The following ITGAE variants were observed in gnomAD, a reference collection of about 807,000 sequenced individuals.
ITGAE encodes the protein integrin subunit alpha E.
ITGAE carries 99 observed loss-of-function variants against 136.5 expected under a neutral mutation model. The ratio of observed to expected loss-of-function variants is 0.73; its 90% confidence interval spans 0.62 to 0.86. ITGAE has a LOEUF of 0.86. Among genes scored for constraint, ITGAE ranks in the 40% least tolerant of loss-of-function variants. The probability of loss-of-function intolerance (pLI) is 0.00; values close to 1 mark genes in which losing one functional copy is unlikely to be tolerated. For missense variants in ITGAE, 1,447 were observed against 1,515.3 expected, an observed-to-expected ratio of 0.95 and a Z score of 0.75; for synonymous variants, 613 against 591.8, an observed-to-expected ratio of 1.04 and a Z score of -0.52.
Position 3,785,695 on chromosome 17 carries a change from A to G in ITGAE, c.35-8035T>C, listed in dbSNP as rs969350852. On this transcript the variant is annotated intron_variant, in intron 1 of 30. Coordinates refer to ENST00000263087, the MANE Select transcript of ITGAE (RefSeq NM_002208.5). ...GGAATAAAGATATGAACACGTATCAATGAAACAGCAAACCAACTTACAGTA... is the reference window on the plus strand; with the variant it reads ...GGAATAAAGATATGAACACGTATCAGTGAAACAGCAAACCAACTTACAGTA... Among the ~76,000 whole-genome samples, 5 of 152,200 alleles carry G rather than the reference A, an allele frequency of 3.3e-5. No individual in the cohort carries two copies. In the South Asian group the frequency reaches 6.2e-4, roughly 19 times the overall value.
intron 30 of ITGAE, among the ~76,000 whole-genome samples, chr17:3,715,883 G>A (rs1405502930): frequency 1.3e-5 from 2 of 152,062 alleles, no homozygotes; most frequent in Non-Finnish European, 2.9e-5. Context: ...GAGGCTGGGA[G>A]TGGTGGTTCA....
chr17:3,743,479 G>A lies in ITGAE; in HGVS notation c.2448+10C>T, dbSNP rs2051633747. 2 of 1,586,482 alleles carry A rather than the reference G, an allele frequency of 1.3e-6. No homozygotes were observed. Among genetic ancestry groups the A allele is most frequent in the East Asian group, 2.3e-5 (1 of 43,896 alleles). On this transcript the variant is annotated intron_variant, in intron 19 of 30. Coordinates refer to ENST00000263087, the MANE Select transcript of ITGAE (RefSeq NM_002208.5). ...TAAGAGGGCTGGGTACTGGCTGTGG[G>A]TAGAGTCACCTGGAAGATGGCAAAG...
chr17:3,718,019 G>C (rs1444161715), intron 29 of ITGAE: 1 of 152,252 alleles, frequency 6.6e-6, no homozygotes, highest in East Asian at 1.9e-4. Context: ...TAAACCCACA[G>C]ATTCCCAAAA....
Position 3,758,998 on chromosome 17 carries a change from G to A in ITGAE, c.866+404C>T, listed in dbSNP as rs191565629. On this transcript the variant is annotated intron_variant, in intron 8 of 30. Coordinates refer to ENST00000263087, the MANE Select transcript of ITGAE (RefSeq NM_002208.5). ...AAATTAACTGGGCGTGGTGGTGGCC[G>A]CCTGTAGTCCCAGCTACTCGGGAGG... Among the ~76,000 whole-genome samples the A allele has an allele frequency of 4.5e-3, 689 of 151,978 alleles. 4 individuals carry two copies. The highest frequency in any genetic ancestry group is 0.015 in the African/African-American group (637 of 41,466).
chr17:3,719,285 TTAAAAA>T (rs1202409166), intron 29 of ITGAE, among the ~76,000 whole-genome samples: 2 of 143,730 alleles, frequency 1.4e-5, no homozygotes, highest in Admixed American at 6.7e-5. Context: ...AATACACTAC[TTAAAAA>T]TAAAAGGAAA....
At chr17:3,724,052 C>T (rs770278574) in intron 26 of ITGAE, 6 of 1,597,216 alleles carry the variant, frequency 3.8e-6, no homozygotes, top group Admixed American at 1.7e-5. Context: ...CGCCGCAGGA[C>T]CGGAGGCGTT....
chr17:3,735,137 G>A (rs1006496138), intron 20 of ITGAE, among the ~76,000 whole-genome samples, 188 bp from the exon 21 acceptor site: 6 of 152,122 alleles, frequency 3.9e-5, no homozygotes, highest in African/African-American at 1.2e-4. Context: ...GGGACTACAG[G>A]TGTTTACCAC....
At chr17:3,762,209 G>C (rs1425274720) in intron 3 of ITGAE, among the ~76,000 whole-genome samples, 1 of 152,182 alleles carries the variant, frequency 6.6e-6, no homozygotes, top group East Asian at 1.9e-4. Flanking sequence ...CTTTCAACAC[G>C]TGCCCATTGA....
At chr17:3,781,338 ATTTCTTTTTTCTTTC>A (rs909897779) in intron 1 of ITGAE, among the ~76,000 whole-genome samples, 33 of 141,056 alleles carry the variant, frequency 2.3e-4, no homozygotes, top group South Asian at 2.2e-4. Context: ...TTCTTCTTTC[ATTTCTTTTTTCTTTC>A]TTTCTTTTTT....
intron 20 of ITGAE, among the ~76,000 whole-genome samples, chr17:3,738,265 A>C (rs1239094772): frequency 7.0e-6 from 1 of 143,726 alleles, no homozygotes; most frequent in Non-Finnish European, 1.5e-5. Context: ...CCGCCTCCCG[A>C]GTTTGAGCGA....
chr17:3,723,386 G>T lies in ITGAE; in HGVS notation c.3142-3C>A. On this transcript the variant is annotated splice_polypyrimidine_tract_variant and splice_region_variant and intron_variant, in intron 27 of 30. Coordinates refer to ENST00000263087, the MANE Select transcript of ITGAE (RefSeq NM_002208.5). Reference sequence around the variant, plus strand: ...ACTGAATGCCATTCTTCCACATGCTGGAAAAGCGAGGTCTAGTGAACACAA... The same window carrying T: ...ACTGAATGCCATTCTTCCACATGCTTGAAAAGCGAGGTCTAGTGAACACAA... 6.2e-7 allele frequency: 1 copy of T among 1,603,092 alleles called. No individual in the cohort carries two copies. The highest frequency in any genetic ancestry group is 8.5e-7 in the Non-Finnish European group (1 of 1,169,990).
intron 16 of ITGAE, among the ~76,000 whole-genome samples, chr17:3,749,294 G>T: frequency 1.3e-5 from 2 of 151,116 alleles, no homozygotes; most frequent in Middle Eastern, 3.4e-3. Context: ...TCGCTCTGTC[G>T]CCCAGGCTGG....
intron 22 of ITGAE, among the ~76,000 whole-genome samples, chr17:3,731,477 GA>G (rs2051342109): frequency 1.3e-5 from 2 of 151,614 alleles, no homozygotes; most frequent in Non-Finnish European, 2.9e-5. Flanking sequence ...AAGTAGCTGG[GA>G]TTACAGGCAC....
chr17:3,747,572 G>C (rs1160472417), intron 17 of ITGAE, among the ~76,000 whole-genome samples: 2 of 152,184 alleles, frequency 1.3e-5, no homozygotes, highest in Non-Finnish European at 1.5e-5. Context: ...GCCTCCCAAA[G>C]TGCTGGGATT....
chr17:3,732,346 G>C, intron 22 of ITGAE, 22 bp downstream of exon 22: 1 of 1,570,444 alleles, frequency 6.4e-7, no homozygotes, highest in Non-Finnish European at 8.8e-7. Context: ...TGAGAAGAGC[G>C]AATCAGTCCA....
chr17:3,798,664 G>A lies in ITGAE; in HGVS notation c.34+2447C>T, dbSNP rs551586995. 8.5e-5 allele frequency among the ~76,000 whole-genome samples: 13 copies of A among 152,304 alleles called. No homozygotes were observed. The highest frequency in any genetic ancestry group is 2.4e-4 in the African/African-American group (10 of 41,552). ...CCCGAGTGCGTGCCACCAGCAGAGC[G>A]GGCCCTGGACTTCTGGTTCCTTCTT... On this transcript the variant is annotated intron_variant, in intron 1 of 30. Transcript: ENST00000263087. The surrounding 1 kb of genome is among the most constrained non-coding windows in gnomAD (Gnocchi z 4.3).
chr17:3,774,960 A>G (rs2052507294), intron 2 of ITGAE, among the ~76,000 whole-genome samples: 1 of 151,286 alleles, frequency 6.6e-6, no homozygotes, highest in Admixed American at 6.6e-5. Flanking sequence ...TTTTTTTTTG[A>G]GACAGGGTCT....
rs151134975 is a variant in ITGAE at position 3,782,340 on chromosome 17, A to AGTGTGTGTGTGT, written c.35-4692_35-4681dup. ...ATGCCACTCCATTGCTTAAATCTCTAGTGTGTGTGTGTGTGTGTGTGTGTG... is the reference window on the plus strand; with the variant it reads ...ATGCCACTCCATTGCTTAAATCTCTAGTGTGTGTGTGTGTGTGTGTGTGTGTGTGTGTGTGTG... On this transcript the variant is annotated intron_variant, in intron 1 of 30. Transcript: ENST00000263087. 3.5e-3 allele frequency among the ~76,000 whole-genome samples: 384 copies of AGTGTGTGTGTGT among 109,600 alleles called. 3 individuals carry two copies. The highest frequency in any genetic ancestry group is 8.2e-3 in the African/African-American group (238 of 28,924). The allele number at this position is 109,600 out of a possible 152,430, so 71.9% of individuals were successfully genotyped here.
At position 3,751,790 on chromosome 17, in the gene ITGAE, C is replaced by G; in HGVS notation, c.1753G>C (p.Gly585Arg). ...ARFGFAMAAM[G>R]DLSQDKLTDV... Reference sequence around the variant, plus strand: ...GTGAGCTTATCCTGACTGAGATCCCCCATAGCCGCCATGGCAAAGCCAAAG... The same window carrying G: ...GTGAGCTTATCCTGACTGAGATCCCGCATAGCCGCCATGGCAAAGCCAAAG... The change falls in exon 15 of 31, where the codon GGG becomes CGG. Residue 585 changes from glycine to arginine, a missense_variant. By Grantham distance (125) the Gly-to-Arg change is moderately radical. This residue lies in a region of ITGAE where 1,031 missense variants were observed against 1,011.4 expected (regional missense o/e 1.02). Transcript: ENST00000263087. 6.2e-7 allele frequency: 1 copy of G among 1,614,142 alleles called. No individual in the cohort carries two copies. Among genetic ancestry groups the G allele is most frequent in the South Asian group, 1.1e-5 (1 of 91,086 alleles).
Sources: gnomAD v4.1 joint callset for allele counts (sites outside exome capture counted in the v4.1 genomes callset) on GRCh38, gnomAD v4.1.1 for gene constraint, gnomAD v4.1.1 regional missense constraint, Gnocchi (gnomAD v3.1) non-coding constraint, MANE v1.5 for transcripts, NCBI Gene and HGNC (gene_info 2026-07-23, HGNC 2026-07-21) for gene names.